The following PTPRD variants were observed in gnomAD, a reference collection of about 807,000 sequenced individuals.
PTPRD encodes protein tyrosine phosphatase receptor type D, also known as receptor-type tyrosine-protein phosphatase delta.
PTPRD carries 34 observed loss-of-function variants against 214.5 expected under a neutral mutation model. That is an observed-to-expected ratio of 0.16 (90% confidence interval 0.12 to 0.21). The LOEUF (loss-of-function observed/expected upper bound fraction) is 0.21. PTPRD is among the 10% of genes least tolerant of loss of function. PTPRD has a pLI of 1.00. For missense variants in PTPRD, 2,545 were observed against 2,398.7 expected (o/e 1.06, Z -1.27); for synonymous variants, 1,128 against 845.7 (o/e 1.33, Z -5.79).
In PTPRD at chr9:9,160,533, G is replaced by A. The variant is rs563885197; in HGVS notation, c.-143+22771C>T. Among the ~76,000 whole-genome samples the A allele has an allele frequency of 3.0e-3, 453 of 152,186 alleles. 2 individuals are homozygous for A. Among genetic ancestry groups the A allele is most frequent in the Non-Finnish European group, 4.7e-3 (318 of 67,974 alleles). On this transcript the variant is annotated intron_variant, in intron 10 of 45. Coordinates refer to ENST00000381196, the MANE Select transcript of PTPRD (RefSeq NM_002839.4). ...CTTCTATGAAAAAGATGAAAGATAA[G>A]TGTTGGTGAGGATGTGGTGAAAAGT...
intron 3 of PTPRD, among the ~76,000 whole-genome samples, chr9:10,305,509 G>T (rs531973021): frequency 1.3e-5 from 2 of 152,008 alleles, no homozygotes; most frequent in East Asian, 3.9e-4. Flanking sequence ...GAAAATTTTG[G>T]CAGTCTATCC....
intron 10 of PTPRD, among the ~76,000 whole-genome samples, chr9:9,142,348 C>A (rs1344221944): frequency 2.0e-5 from 3 of 152,200 alleles, no homozygotes; most frequent in Non-Finnish European, 4.4e-5. Context: ...GAGTTATAGT[C>A]TCCCTAGCTG....
At chr9:9,277,228 T>C (rs969391642) in intron 9 of PTPRD, among the ~76,000 whole-genome samples, 5 of 151,448 alleles carry the variant, frequency 3.3e-5, no homozygotes, top group African/African-American at 9.7e-5. Flanking sequence ...AAACAGTTGA[T>C]TCCCTATGTT....
intron 5 of PTPRD, among the ~76,000 whole-genome samples, chr9:9,919,032 TAAC>T (rs1362416212): frequency 6.6e-6 from 1 of 152,138 alleles, no homozygotes; most frequent in African/African-American, 2.4e-5. Flanking sequence ...GGAGATAGAA[TAAC>T]ATCTGGCAGC....
intron 7 of PTPRD, among the ~76,000 whole-genome samples, chr9:9,662,639 G>T (rs369020228): frequency 2.8e-4 from 43 of 151,616 alleles, no homozygotes; most frequent in Admixed American, 1.1e-3. Flanking sequence ...GATTCTATAT[G>T]TAGGGGAAAT....
chr9:8,594,806 G>C (rs1252741075), intron 14 of PTPRD, among the ~76,000 whole-genome samples: 1 of 150,150 alleles, frequency 6.7e-6, no homozygotes, highest in Non-Finnish European at 1.5e-5. Flanking sequence ...AAATTACCCA[G>C]TCTTGAGTAT....
At chr9:9,962,356 G>A (rs182779639) in intron 4 of PTPRD, among the ~76,000 whole-genome samples, 29 of 152,192 alleles carry the variant, frequency 1.9e-4, no homozygotes, top group Admixed American at 1.4e-3. Flanking sequence ...AAAGGCAGTA[G>A]TTAATTAAAG....
chr9:9,128,219 A>G (rs1451098320), intron 10 of PTPRD, among the ~76,000 whole-genome samples: 1 of 152,170 alleles, frequency 6.6e-6, no homozygotes, highest in Non-Finnish European at 1.5e-5. Context: ...CATAATATTT[A>G]CCATTGTTAA....
At chr9:10,295,322 G>A (rs939667174) in intron 3 of PTPRD, among the ~76,000 whole-genome samples, 2 of 152,050 alleles carry the variant, frequency 1.3e-5, no homozygotes, top group Non-Finnish European at 2.9e-5. Flanking sequence ...CTAAGCTTCA[G>A]TTTCACCCAA....
chr9:8,363,239 G>C (rs2078949690), intron 39 of PTPRD, among the ~76,000 whole-genome samples: 1 of 152,116 alleles, frequency 6.6e-6, no homozygotes, highest in Admixed American at 6.5e-5. Flanking sequence ...TTCACTCTTA[G>C]CTTGGAGGAC....
chr9:9,575,688 C>G (rs1360329104), intron 7 of PTPRD, among the ~76,000 whole-genome samples: 1 of 121,190 alleles, frequency 8.3e-6, no homozygotes, highest in Non-Finnish European at 1.6e-5. Context: ...CCACTGCACT[C>G]CAGCCTGGGT....
chr9:9,209,918 T>C (rs952976785), intron 9 of PTPRD, among the ~76,000 whole-genome samples: 4 of 152,146 alleles, frequency 2.6e-5, no homozygotes, highest in African/African-American at 4.8e-5. Flanking sequence ...GTATGAGCTT[T>C]AGCATATTTT....
At chr9:9,902,849 T>G (rs966749212) in intron 5 of PTPRD, among the ~76,000 whole-genome samples, 2 of 152,134 alleles carry the variant, frequency 1.3e-5, no homozygotes, top group African/African-American at 4.8e-5. Context: ...CGTTTGGACA[T>G]TTAGGTGATA....
chr9:10,454,735 G>C (rs1160085428), intron 2 of PTPRD, among the ~76,000 whole-genome samples: 2 of 151,240 alleles, frequency 1.3e-5, no homozygotes, highest in Non-Finnish European at 3.0e-5. Context: ...CTTGCCTTTG[G>C]ACCCTTCATC....
At chr9:9,805,215 T>C (rs999542045) in intron 5 of PTPRD, among the ~76,000 whole-genome samples, 7 of 152,182 alleles carry the variant, frequency 4.6e-5, no homozygotes, top group African/African-American at 7.2e-5. Flanking sequence ...TGAATGATGT[T>C]AACAACCTCA....
intron 8 of PTPRD, among the ~76,000 whole-genome samples, chr9:9,479,766 T>C (rs1304008910): frequency 4.5e-5 from 6 of 132,706 alleles, no homozygotes; most frequent in African/African-American, 1.7e-4. Context: ...CAAAAAACTC[T>C]TAAATTCCCC....
At chr9:9,527,732 T>C (rs2074462512) in intron 8 of PTPRD, among the ~76,000 whole-genome samples, 1 of 152,314 alleles carries the variant, frequency 6.6e-6, no homozygotes, top group African/African-American at 2.4e-5. Flanking sequence ...TTTATCTACC[T>C]TCAATTACTA....
intron 3 of PTPRD, among the ~76,000 whole-genome samples, chr9:10,329,108 T>C (rs10125573): frequency 0.35 from 53,476 of 151,604 alleles, 10,483 homozygotes; most frequent in African/African-American, 0.51. Context: ...GTTTTTCTGT[T>C]GAATATGAGA....
intron 16 of PTPRD, among the ~76,000 whole-genome samples, chr9:8,526,922 T>C (rs2074302505): frequency 6.6e-6 from 1 of 151,896 alleles, no homozygotes; most frequent in South Asian, 2.1e-4. Flanking sequence ...TGGGGTCATA[T>C]AGGGTTAGAA....
Sources: allele counts gnomAD v4.1 joint callset (sites outside exome capture counted in the v4.1 genomes callset), GRCh38; gene constraint gnomAD v4.1.1; transcripts MANE v1.5; gene names NCBI Gene and HGNC (gene_info 2026-07-23, HGNC 2026-07-21).